TLE6: variants seen among roughly 807,000 people sequenced by gnomAD.
TLE6 encodes TLE family member 6, subcortical maternal complex member, also known as transducin-like enhancer protein 6.
In TLE6, 72 loss-of-function variants were observed where a neutral mutation model predicts 77.1. That is an observed-to-expected ratio of 0.93 (90% CI 0.77 to 1.14). The LOEUF is 1.14. Ranked by LOEUF, TLE6 falls within the 50% of genes most tolerant of loss-of-function variation. The pLI, the probability that TLE6 is intolerant of heterozygous loss-of-function variation, is 0.00. For missense variants in TLE6, 843 were observed against 747.6 expected, an observed-to-expected ratio of 1.13 and a Z score of -1.49; for synonymous variants, 366 against 287.3, an observed-to-expected ratio of 1.27 and a Z score of -2.77.
Position 2,982,167 on chromosome 19 carries a change from A to T in TLE6, c.200A>T (p.Asp67Val). ...TTGCAGCTGCACAAGATCCAGCAGG[A>T]TGTGGCAGAACATCACAAGCAGGTG... ...IYYSLHKIQQ[D>V]VAEHHKQIGN... The change falls in exon 5 of 17, where the codon GAT becomes GTT. Residue 67 changes from aspartate (D) to valine (V), a missense_variant. Transcript: ENST00000246112. 1.3e-6 allele frequency: 2 copies of T among 1,551,450 alleles called. No individual in the cohort carries two copies.
intron 5 of TLE6, 40 bp from the exon 6 acceptor site, chr19:2,986,789 G>C (rs1221262620): frequency 1.3e-6 from 2 of 1,546,478 alleles, no homozygotes; most frequent in South Asian, 1.2e-5. Flanking sequence ...ACCCTTAACT[G>C]CAACAACATT....
intron 10 of TLE6, 25 bp downstream of exon 10, chr19:2,987,999 G>A (rs762537095): frequency 1.2e-6 from 2 of 1,603,324 alleles, no homozygotes; most frequent in Admixed American, 3.4e-5. Flanking sequence ...CGAGCTGGTA[G>A]CCCAGCGTGA....
At chr19:2,979,996 A>G in intron 2 of TLE6, 104 bp from the exon 3 acceptor site, 2 of 828,718 alleles carry the variant, frequency 2.4e-6, no homozygotes, top group Middle Eastern at 2.5e-4. Context: ...AACCACAATT[A>G]CTTTTGCACC....
chr19:2,982,903 C>T (rs1297989982), intron 5 of TLE6, among the ~76,000 whole-genome samples: 1 of 152,104 alleles, frequency 6.6e-6, no homozygotes, highest in Non-Finnish European at 1.5e-5. Flanking sequence ...CCCTGCGTGT[C>T]TGAGTGTTCA....
Position 2,994,026 on chromosome 19 carries a change from G to T in TLE6, c.1545G>T (p.Trp515Cys). The T allele has an allele frequency of 6.2e-7, 1 of 1,605,354 alleles. No homozygotes were observed. Among genetic ancestry groups the T allele is most frequent in the Non-Finnish European group, 8.5e-7 (1 of 1,176,748 alleles). ...ATGCTCCATTTCTCCCAGGCCAGTG[G>T]TGGGCAAGCGTTGGAATGGACGACT... ...LSVKFSPFGQ[W>C]WASVGMDDFL... The change falls in exon 16 of 17, where the codon TGG (tryptophan) becomes TGT (cysteine). Residue 515 changes from tryptophan to cysteine, a missense_variant. Coordinates refer to ENST00000246112, the MANE Select transcript of TLE6 (RefSeq NM_001143986.2).
At chr19:2,991,508 G>C (rs1338177830) in intron 13 of TLE6, among the ~76,000 whole-genome samples, 1 of 150,292 alleles carries the variant, frequency 6.7e-6, no homozygotes. Context: ...GTAAAATACA[G>C]CACACCACCC....
rs770094871 is a variant in TLE6, at chr19:2,987,865, C to G, written c.626-33C>G. The stretch of plus-strand genomic sequence containing the variant: ...GGCATCCTGTGCTGAGGAGCCAATG[C>G]AAGCCGCTTAGCCCCTCTTGTCTCC... On this transcript the variant is annotated intron_variant, in intron 9 of 16. Transcript: ENST00000246112. 16 of 1,612,890 alleles carry G rather than the reference C, an allele frequency of 9.9e-6. No individual in the cohort carries two copies. The South Asian group carries it at 1.4e-4, about 14-fold the overall frequency.
intron 13 of TLE6, among the ~76,000 whole-genome samples, chr19:2,990,867 G>A (rs2089034987): frequency 1.3e-5 from 2 of 151,600 alleles, no homozygotes; most frequent in South Asian, 4.2e-4. Context: ...CCGGCGTGGT[G>A]GCACATGCCT....
chr19:2,992,649 C>CCT (rs998704416), intron 14 of TLE6, among the ~76,000 whole-genome samples: 13 of 151,512 alleles, frequency 8.6e-5, no homozygotes, highest in Admixed American at 3.3e-4. Context: ...GTGGCACGTA[C>CCT]CTGGGGTCGC....
rs118046398 is a variant in TLE6 at position 2,994,232 on chromosome 19, T to C, written c.1614+137T>C. ...GGCTCACGGCTTTAATCCCAGCATT[T>C]TGGGAGGCTGAGGCAGGAAGATCTC... On this transcript the variant is annotated intron_variant, in intron 16 of 16. Transcript: ENST00000246112. 9.0e-3 allele frequency: 6,172 copies of C among 688,974 alleles called. 169 individuals carry two copies. Among genetic ancestry groups the C allele is most frequent in the East Asian group, 0.079 (2,837 of 36,054 alleles). The allele number at this position is 688,974 out of a possible 1,614,324, so 42.7% of individuals were successfully genotyped here. A position where few individuals can be genotyped will look rare whatever the true frequency, so the allele number is the denominator to read the frequency against.
chr19:2,980,684 C>G (rs10402462), intron 3 of TLE6, among the ~76,000 whole-genome samples: 5,723 of 149,210 alleles, frequency 0.038, 382 homozygotes, highest in African/African-American at 0.13. Context: ...TTGCAGTGAG[C>G]CAGGATCACA....
intron 16 of TLE6, 54 bp from the exon 17 acceptor site, chr19:2,994,846 G>A (rs1294098219): frequency 8.6e-6 from 9 of 1,046,568 alleles, no homozygotes; most frequent in Non-Finnish European, 1.3e-5. Context: ...GACAGGTGGA[G>A]ACCAGGGGTG....
At chr19:2,982,894 C>T (rs11668186) in intron 5 of TLE6, among the ~76,000 whole-genome samples, 51,416 of 151,966 alleles carry the variant, frequency 0.34, 10,323 homozygotes, top group African/African-American at 0.56. Flanking sequence ...GCTGTGTTCC[C>T]CTGCGTGTCT....
At position 2,978,225 on chromosome 19, in the gene TLE6, GC is replaced by G; in HGVS notation, c.-7del. The G allele has an allele frequency of 6.4e-7, 1 of 1,551,420 alleles. No individual in the cohort carries two copies. The highest frequency in any genetic ancestry group is 8.7e-7 in the Non-Finnish European group (1 of 1,146,938). The stretch of plus-strand genomic sequence containing the variant: ...TCTGGCTAAAGTCTTGGAGGCTACT[GC>G]CTTGAAGATGACCTCTAGGGACCAG... On this transcript the variant is annotated 5_prime_UTR_variant, in exon 2 of 17. Transcript: ENST00000246112.
At position 2,980,083 on chromosome 19, in the gene TLE6, T is replaced by C; in HGVS notation, c.52-17T>C. 1 of 1,548,794 alleles carries C rather than the reference T, an allele frequency of 6.5e-7. No individual in the cohort carries two copies. ...GAGCATTGTAAGTTTTATGTAACCT[T>C]GCTTTGACCTTTCCAGCCTTGTCCT... On this transcript the variant is annotated splice_polypyrimidine_tract_variant and intron_variant, in intron 2 of 16. Coordinates refer to ENST00000246112, the MANE Select transcript of TLE6 (RefSeq NM_001143986.2).
rs1329038944 is a variant in TLE6, at chr19:2,988,137, C to T, written c.740+9C>T. On this transcript the variant is annotated intron_variant, in intron 11 of 16. Transcript: ENST00000246112. ...CGGTTTCTACAGTCCATGTAAGTGT[C>T]TGCACTGTTTGCTTTTGGGCGGGGT... is the stretch of plus-strand genomic sequence containing the variant. 1 of 1,551,578 alleles carries T rather than the reference C, an allele frequency of 6.4e-7. No individual in the cohort carries two copies. The highest frequency in any genetic ancestry group is 2.0e-5 in the Admixed American group (1 of 50,986).
intron 14 of TLE6, among the ~76,000 whole-genome samples, chr19:2,993,160 C>T (rs1053144866): frequency 1.8e-4 from 27 of 151,970 alleles, no homozygotes; most frequent in African/African-American, 5.8e-4. Flanking sequence ...TGTCGTAAGC[C>T]GAGATCGTAC....
intron 14 of TLE6, among the ~76,000 whole-genome samples, 180 bp from the exon 15 acceptor site, chr19:2,993,252 A>G (rs2089125415): frequency 6.6e-6 from 1 of 151,816 alleles, no homozygotes; most frequent in African/African-American, 2.4e-5. Context: ...AGTAGGGAAG[A>G]CTCTCCATTT....
chr19:2,980,025 T>C (rs778470453), intron 2 of TLE6, 75 bp from the exon 3 acceptor site: 2 of 1,073,222 alleles, frequency 1.9e-6, no homozygotes, highest in Middle Eastern at 2.1e-4. Flanking sequence ...GCCTATGCCA[T>C]GTTGAGGTGG....
Sources: gnomAD v4.1 joint callset for allele counts (sites outside exome capture counted in the v4.1 genomes callset) on GRCh38, gnomAD v4.1.1 for gene constraint, MANE v1.5 for transcripts, NCBI Gene and HGNC (gene_info 2026-07-23, HGNC 2026-07-21) for gene names.